Variants in IL5RA observed in about 807,000 individuals in gnomAD.
IL5RA encodes interleukin-5 receptor subunit alpha.
IL5RA carries 49 observed loss-of-function variants against 50.0 expected under a neutral mutation model. That is an observed-to-expected ratio of 0.98 (90% CI 0.78 to 1.24). IL5RA has a LOEUF of 1.24. IL5RA is among the 50% of genes most tolerant of loss of function. The pLI is 0.00. For synonymous variants in IL5RA, 202 were observed against 174.0 expected (o/e 1.16, Z -1.26); for missense variants, 600 against 500.4 (o/e 1.20, Z -1.90).
chr3:3,090,605 T>C (rs1559869300), intron 9 of IL5RA, among the ~76,000 whole-genome samples: 1 of 149,336 alleles, frequency 6.7e-6, no homozygotes, highest in African/African-American at 2.5e-5. Context: ...CTCACTCTAT[T>C]GCCCGGGCTG....
intron 11 of IL5RA, chr3:3,073,621 A>G (rs969849752): frequency 6.6e-6 from 2 of 302,852 alleles, no homozygotes; most frequent in Non-Finnish European, 1.3e-5. Flanking sequence ...ATAATCATAC[A>G]CTGAAAAATC....
rs2125973833 is a variant in IL5RA at position 3,092,941 on chromosome 3, C to G, written c.856-579G>C. On this transcript the variant is annotated intron_variant, in intron 8 of 11. Coordinates refer to ENST00000446632, the MANE Select transcript of IL5RA (RefSeq NM_175726.4). This position sits in a 1 kb window ranked among gnomAD's most constrained non-coding sequence, Gnocchi z 4.2. ...CATTGCCTATTTTAGCTCTTATTAT[C>G]TTTTGCTTGGACCTTTGCAGTAGCC... 6.6e-6 allele frequency among the ~76,000 whole-genome samples: 1 copy of G among 152,156 alleles called. No individual in the cohort carries two copies. Among genetic ancestry groups the G allele is most frequent in the East Asian group, 1.9e-4 (1 of 5,178 alleles).
In IL5RA at chr3:3,092,089, T is replaced by C. The variant is rs145686880; in HGVS notation, c.994+135A>G. On this transcript the variant is annotated intron_variant, in intron 9 of 11. Transcript: ENST00000446632. The surrounding 1 kb of genome is among the most constrained non-coding windows in gnomAD (Gnocchi z 4.2). ...AATCTATTCCTGATTGAAAAGGCAGTAGACCGAGAGAAAATTAGTCACAAT... is the reference window on the plus strand; with the variant it reads ...AATCTATTCCTGATTGAAAAGGCAGCAGACCGAGAGAAAATTAGTCACAAT... 2.1e-5 allele frequency: 31 copies of C among 1,442,268 alleles called. No individual in the cohort carries two copies. The East Asian group carries it at 7.0e-4, about 33-fold the overall frequency. The allele number at this position is 1,442,268 out of a possible 1,614,324, so 89.3% of individuals were successfully genotyped here. A position where few individuals can be genotyped will look rare whatever the true frequency, so the allele number is the denominator to read the frequency against.
At chr3:3,103,002 G>C in intron 3 of IL5RA, 182 bp from the exon 4 acceptor site, 1 of 486,702 alleles carries the variant, frequency 2.1e-6, no homozygotes, top group Non-Finnish European at 3.6e-6. Context: ...TTCTACCCGA[G>C]TAGCTGGGAC....
At position 3,102,678 on chromosome 3, in the gene IL5RA, ATCT is replaced by A; in HGVS notation, c.222_224del (p.Glu74del). ...ATCCATTAGAATAAACACTTACGTC[ATCT>A]TCTTTTGGAGCGTTTATTTTCACTT... On this transcript the variant is annotated inframe_deletion, in exon 4 of 12. Coordinates refer to ENST00000446632, the MANE Select transcript of IL5RA (RefSeq NM_175726.4). 1 of 1,583,350 alleles carries A rather than the reference ATCT, an allele frequency of 6.3e-7. No homozygotes were observed. The highest frequency in any genetic ancestry group is 1.1e-5 in the South Asian group (1 of 87,908).
chr3:3,099,024 C>T (rs772780075), intron 5 of IL5RA, among the ~76,000 whole-genome samples: 3 of 152,174 alleles, frequency 2.0e-5, no homozygotes, highest in African/African-American at 2.4e-5. Flanking sequence ...GAAGGTCTTG[C>T]GTATCCCTTT....
chr3:3,100,631 T>C (rs1035367651), intron 5 of IL5RA, among the ~76,000 whole-genome samples: 1 of 152,206 alleles, frequency 6.6e-6, no homozygotes, highest in Non-Finnish European at 1.5e-5. Context: ...AGTGTCATCC[T>C]GTATCAGAGT....
At chr3:3,072,157 G>T (rs1365338873) in intron 11 of IL5RA, among the ~76,000 whole-genome samples, 1 of 152,248 alleles carries the variant, frequency 6.6e-6, no homozygotes, top group Non-Finnish European at 1.5e-5. Context: ...CGTGGAGGCT[G>T]TGCACGGCCT....
At position 3,104,964 on chromosome 3, in the gene IL5RA, T is replaced by C; in HGVS notation, c.21A>G (p.Val7=). ...CAGTGGCCCCCAAAAGGATGAGTAA[T>C]ACATGCGCCACGATGATCATATCCT... MIIVAH[V]LLILLGATEI... Residue 7 remains valine, a synonymous_variant, in exon 3 of 12, where the codon GTA becomes GTG. Coordinates refer to ENST00000446632, the MANE Select transcript of IL5RA (RefSeq NM_175726.4). 6.2e-7 allele frequency: 1 copy of C among 1,612,506 alleles called. No individual in the cohort carries two copies. Among genetic ancestry groups the C allele is most frequent in the Non-Finnish European group, 8.5e-7 (1 of 1,178,720 alleles).
Position 3,098,298 on chromosome 3 carries a change from G to A in IL5RA, c.368-8C>T. On this transcript the variant is annotated splice_polypyrimidine_tract_variant and splice_region_variant and intron_variant, in intron 5 of 11. Transcript: ENST00000446632. ...TTGAGGTTCCAGGAGACCCTAGGTA[G>A]TCAAAAGTAAAAAGGACAAAACATT... 6.2e-7 allele frequency: 1 copy of A among 1,612,378 alleles called. No homozygotes were observed. The highest frequency in any genetic ancestry group is 1.1e-5 in the South Asian group (1 of 90,986).
chr3:3,069,518 C>T lies in IL5RA; in HGVS notation c.*707G>A, dbSNP rs1032750457. On this transcript the variant is annotated 3_prime_UTR_variant, in exon 12 of 12. Transcript: ENST00000446632. ...TTCCTTCAAGAATATAATATTTGAA[C>T]AAAATCTGTCGTCTCTTTTGATATG... The T allele has an allele frequency of 6.6e-6, 1 of 152,110 alleles. No individual in the cohort carries two copies. The highest frequency in any genetic ancestry group is 1.5e-5 in the Non-Finnish European group (1 of 68,022). 9.4% of individuals were successfully genotyped at this position (152,110 alleles called of 1,614,324 possible). A position where few individuals can be genotyped will look rare whatever the true frequency, so the allele number is the denominator to read the frequency against.
At chr3:3,087,044 T>C (rs2125965826) in intron 9 of IL5RA, among the ~76,000 whole-genome samples, 1 of 152,128 alleles carries the variant, frequency 6.6e-6, no homozygotes, top group South Asian at 2.1e-4. Flanking sequence ...AGTGGTATAA[T>C]GAACATTGAA....
intron 2 of IL5RA, chr3:3,105,675 A>T (rs1703887069): frequency 6.9e-6 from 1 of 145,050 alleles, no homozygotes; most frequent in African/African-American, 2.6e-5. Context: ...TGAAAAACAC[A>T]GTGATAGACC....
intron 9 of IL5RA, among the ~76,000 whole-genome samples, chr3:3,079,892 G>C (rs1176491295): frequency 6.6e-6 from 1 of 152,066 alleles, no homozygotes; most frequent in Non-Finnish European, 1.5e-5. Flanking sequence ...AAATTATCCA[G>C]GTGTGGTGCC....
At chr3:3,099,185 T>C (rs1438877511) in intron 5 of IL5RA, among the ~76,000 whole-genome samples, 1 of 152,222 alleles carries the variant, frequency 6.6e-6, no homozygotes. Context: ...TCCTCTTTAA[T>C]ATACTAGGAC....
intron 9 of IL5RA, among the ~76,000 whole-genome samples, chr3:3,090,864 C>T (rs531712028): frequency 2.2e-4 from 34 of 152,188 alleles, no homozygotes; most frequent in South Asian, 1.0e-3. Flanking sequence ...TGAGCCACCA[C>T]GCCCGGCCAA....
chr3:3,107,962 G>A (rs889954922), intron 2 of IL5RA, among the ~76,000 whole-genome samples: 7 of 151,948 alleles, frequency 4.6e-5, no homozygotes, highest in Non-Finnish European at 7.4e-5. Context: ...TGCCTGGGGC[G>A]TTCGTTTTAT....
chr3:3,085,404 C>A (rs1024137848), intron 9 of IL5RA, among the ~76,000 whole-genome samples: 6 of 152,144 alleles, frequency 3.9e-5, no homozygotes, highest in Admixed American at 1.3e-4. Context: ...CATCTTCCTT[C>A]GTGTTTTGCC....
At chr3:3,090,209 C>CA in intron 9 of IL5RA, 2 of 1,609,728 alleles carry the variant, frequency 1.2e-6, no homozygotes, top group Non-Finnish European at 1.7e-6. Flanking sequence ...ATTTCAGATA[C>CA]GGTGTGGGGC....
Sources: gnomAD v4.1 joint callset for allele counts (sites outside exome capture counted in the v4.1 genomes callset) on GRCh38, gnomAD v4.1.1 for gene constraint, Gnocchi (gnomAD v3.1) non-coding constraint, MANE v1.5 for transcripts, NCBI Gene and HGNC (gene_info 2026-07-23, HGNC 2026-07-21) for gene names.